Variants in RABEP2 observed in about 807,000 individuals in gnomAD.
The protein encoded by RABEP2 is rabaptin, RAB GTPase binding effector protein 2.
In RABEP2, 57 loss-of-function variants were observed where a neutral mutation model predicts 74.1. The ratio of observed to expected loss-of-function variants is 0.77; its 90% CI spans 0.62 to 0.96. RABEP2 has a LOEUF of 0.96. Among genes scored for constraint, RABEP2 ranks in the 40% least tolerant of loss-of-function variants. RABEP2 has a pLI of 0.00. For synonymous variants in RABEP2, 351 were observed against 344.0 expected, an observed-to-expected ratio of 1.02 and a Z score of -0.23; for missense variants, 692 against 756.3, an observed-to-expected ratio of 0.91 and a Z score of 1.00.
chr16:28,915,111 A>C (rs975793745), intron 3 of RABEP2, among the ~76,000 whole-genome samples: 3 of 148,768 alleles, frequency 2.0e-5, no homozygotes, highest in Non-Finnish European at 4.5e-5. Context: ...CCCAGGCTGG[A>C]GTGCAGTGGC....
intron 7 of RABEP2, among the ~76,000 whole-genome samples, chr16:28,909,129 T>G (rs562353526): frequency 9.7e-4 from 147 of 151,834 alleles, no homozygotes; most frequent in African/African-American, 3.3e-3. Context: ...CAGGCTGGAG[T>G]GCAATAGAGT....
chr16:28,910,791 AC>A (rs1223591874), intron 7 of RABEP2, 96 bp downstream of exon 7: 2 of 1,079,044 alleles, frequency 1.9e-6, no homozygotes, highest in Middle Eastern at 2.0e-4. Flanking sequence ...TGGGGACAGG[AC>A]AGGTTCCTTG....
At chr16:28,918,065 T>TTTG (rs1435284267) in intron 3 of RABEP2, 1 of 127,390 alleles carries the variant, frequency 7.8e-6, no homozygotes, top group Non-Finnish European at 1.7e-5. Flanking sequence ...ATAATTGTTT[T>TTTG]TTTTTTTTTT....
In RABEP2 at chr16:28,905,056, G is replaced by A. The variant is rs746844746; in HGVS notation, c.1609-12C>T. 6.3e-7 allele frequency: 1 copy of A among 1,593,170 alleles called. No homozygotes were observed. The highest frequency in any genetic ancestry group is 8.5e-7 in the Non-Finnish European group (1 of 1,172,966). On this transcript the variant is annotated splice_polypyrimidine_tract_variant and intron_variant, in intron 12 of 12. Coordinates refer to ENST00000358201, the MANE Select transcript of RABEP2 (RefSeq NM_024816.3). ...CGCTCTAGGCGCACCTGCCGGATCGGACGAGGGGAGCAGAGTGCACTTGTG... is the reference window on the plus strand; with the variant it reads ...CGCTCTAGGCGCACCTGCCGGATCGAACGAGGGGAGCAGAGTGCACTTGTG...
intron 5 of RABEP2, 135 bp from the exon 6 acceptor site, chr16:28,911,314 T>C: frequency 1.3e-6 from 1 of 795,834 alleles, no homozygotes; most frequent in Non-Finnish European, 2.0e-6. Context: ...CCATCCATTC[T>C]CTTCCCTTCA....
chr16:28,906,279 G>C, intron 8 of RABEP2, 83 bp from the exon 9 acceptor site: 1 of 1,441,880 alleles, frequency 6.9e-7, no homozygotes, highest in Non-Finnish European at 9.1e-7. Flanking sequence ...GGGATTGTCG[G>C]GAGGAACGGG....
chr16:28,912,187 A>G (rs1401162653), intron 5 of RABEP2, among the ~76,000 whole-genome samples: 2 of 59,306 alleles, frequency 3.4e-5, no homozygotes, highest in African/African-American at 2.2e-4. Context: ...TGGAGCTAGC[A>G]GTGAGCCGAG....
chr16:28,910,786 A>C, intron 7 of RABEP2, 102 bp downstream of exon 7: 2 of 1,020,108 alleles, frequency 2.0e-6, no homozygotes, highest in African/African-American at 3.2e-5. Context: ...GCAGCTGGGG[A>C]CAGGACAGGT....
Position 28,924,415 on chromosome 16 carries a change from C to A in RABEP2, c.262G>T (p.Ala88Ser), listed in dbSNP as rs773605971. ...TCCCGCGTCTCACCTTTCAGGATGG[C>A]CTGCAGCGAGGCCACCTCCTCTTGG... ...QCQEEVASLQ[A>S]ILKDSISSYE... Residue 88 changes from alanine to serine, a missense_variant, in exon 2 of 13, where the codon GCC (alanine) becomes TCC (serine). Physicochemically the swap from Ala to Ser is moderately conservative, Grantham distance 99. Coordinates refer to ENST00000358201, the MANE Select transcript of RABEP2 (RefSeq NM_024816.3). 7 of 1,612,592 alleles carry A rather than the reference C, an allele frequency of 4.3e-6. No homozygotes were observed. In the Middle Eastern group the frequency reaches 5.0e-4, roughly 114 times the overall value.
intron 3 of RABEP2, among the ~76,000 whole-genome samples, chr16:28,918,450 TA>T (rs944981549): frequency 2.2e-4 from 34 of 151,966 alleles, no homozygotes; most frequent in African/African-American, 7.0e-4. Flanking sequence ...CCGTCGCTAC[TA>T]AAACTACAAA....
At chr16:28,908,818 C>A (rs1264370540) in intron 7 of RABEP2, 54 bp from the exon 8 acceptor site, 1 of 1,561,620 alleles carries the variant, frequency 6.4e-7, no homozygotes, top group Non-Finnish European at 8.7e-7. Flanking sequence ...GTCTCCAGTC[C>A]CTAGGAGGCC....
In RABEP2 at chr16:28,914,317, G is replaced by C; in HGVS notation, c.813C>G (p.Thr271=). The change falls in exon 5 of 13, where the codon ACC becomes ACG. Residue 271 remains threonine (T), a synonymous_variant. Coordinates refer to ENST00000358201, the MANE Select transcript of RABEP2 (RefSeq NM_024816.3). Reference sequence around the variant, plus strand: ...GCAGGTAGATGCCCTCGGGAACCAGGGTGCCCGTAGACACCAGCGAGGCCG... The same window carrying C: ...GCAGGTAGATGCCCTCGGGAACCAGCGTGCCCGTAGACACCAGCGAGGCCG... The part of the protein sequence containing the change: ...EETASLVSTG[T]LVPEGIYLPP... 1.9e-6 allele frequency: 3 copies of C among 1,613,210 alleles called. No homozygotes were observed. Among genetic ancestry groups the C allele is most frequent in the Non-Finnish European group, 2.5e-6 (3 of 1,180,008 alleles).
At position 28,906,001 on chromosome 16, in the gene RABEP2, T is replaced by G. The variant is rs776855428; in HGVS notation, c.1423+18A>C. 6.2e-7 allele frequency: 1 copy of G among 1,608,700 alleles called. No homozygotes were observed. Among genetic ancestry groups the G allele is most frequent in the Admixed American group, 1.7e-5 (1 of 59,570 alleles). On this transcript the variant is annotated intron_variant, in intron 9 of 12. Transcript: ENST00000358201. The stretch of plus-strand genomic sequence containing the variant: ...GGGCCCTGGGCCCGGGGCTGGGGGC[T>G]TGTGCCCCTCCCCTCACCTGTCTCC...
intron 2 of RABEP2, chr16:28,920,978 C>G (rs1258222423): frequency 9.0e-6 from 3 of 334,860 alleles, no homozygotes; most frequent in East Asian, 1.6e-4. Flanking sequence ...ATCCTCCCAC[C>G]TCAGTGCCCC....
intron 8 of RABEP2, among the ~76,000 whole-genome samples, chr16:28,907,819 G>A (rs1964255686): frequency 6.6e-6 from 1 of 151,636 alleles, no homozygotes; most frequent in Non-Finnish European, 1.5e-5. Context: ...TTTTTCTTTT[G>A]AGACAGAGTT....
chr16:28,916,746 G>A (rs1964400176), intron 3 of RABEP2, among the ~76,000 whole-genome samples: 1 of 151,576 alleles, frequency 6.6e-6, no homozygotes, highest in Non-Finnish European at 1.5e-5. Flanking sequence ...AGCACTTTGG[G>A]AGGCCAAGGT....
intron 3 of RABEP2, among the ~76,000 whole-genome samples, chr16:28,916,967 G>T (rs1964404707): frequency 6.7e-6 from 1 of 148,482 alleles, no homozygotes; most frequent in African/African-American, 2.5e-5. Flanking sequence ...CCAGCCTGGG[G>T]ACGGAGCAAG....
chr16:28,919,917 T>G lies in RABEP2; in HGVS notation c.301A>C (p.Ile101Leu). 1 of 1,596,144 alleles carries G rather than the reference T, an allele frequency of 6.3e-7. No individual in the cohort carries two copies. Residue 101 changes from isoleucine (I) to leucine (L), a missense_variant, in exon 3 of 13, where the codon ATC becomes CTC. Coordinates refer to ENST00000358201, the MANE Select transcript of RABEP2 (RefSeq NM_024816.3). ...KDSISSYEAQ[I>L]TALKQERQQQ... is the part of the protein sequence containing the mutation. ...TGTCGCTCCTGCTTCAGGGCGGTGA[T>G]CTGGGCTTCATAGCTGCTGATGGAG...
At position 28,908,687 on chromosome 16, in the gene RABEP2, G is replaced by A. The variant is rs199973673; in HGVS notation, c.1167C>T (p.Ala389=). ...GGGGGGCTGAGGATGGCAGCTGCTC[G>A]GCCCGGAGCCCTTGGTTTTCCTCAT... is the stretch of plus-strand genomic sequence containing the variant. ...RLNEENQGLR[A]EQLPSSAPQG... is the part of the protein sequence containing the mutation. Residue 389 remains alanine (A), a synonymous_variant, in exon 8 of 13, where the codon GCC becomes GCT. Transcript: ENST00000358201. 336 of 1,614,188 alleles carry A rather than the reference G, an allele frequency of 2.1e-4. No homozygotes were observed. In the African/African-American group the frequency reaches 3.3e-3, roughly 16 times the overall value.
Sources: gnomAD v4.1 joint callset for allele counts (sites outside exome capture counted in the v4.1 genomes callset) on GRCh38, gnomAD v4.1.1 for gene constraint, MANE v1.5 for transcripts, NCBI Gene and HGNC (gene_info 2026-07-23, HGNC 2026-07-21) for gene names.